RAD52: variants seen among roughly 807,000 people sequenced by gnomAD.
RAD52 encodes the protein RAD52 DNA repair protein, also known as DNA repair protein RAD52 homolog.
Under a neutral mutation model 55.5 loss-of-function variants are expected in RAD52, and 47 were observed. That is an observed-to-expected ratio of 0.85 (90% confidence interval 0.67 to 1.08). The LOEUF (loss-of-function observed/expected upper bound fraction) is 1.08. RAD52 is among the 50% of genes least tolerant of loss of function. RAD52 has a pLI of 0.00. For synonymous variants in RAD52, 184 were observed against 198.9 expected (o/e 0.92, Z 0.63); for missense variants, 468 against 522.8 (o/e 0.90, Z 1.02).
intron 7 of RAD52, among the ~76,000 whole-genome samples, chr12:923,121 G>A (rs1956826736): frequency 6.6e-6 from 1 of 151,878 alleles, no homozygotes; most frequent in Admixed American, 6.6e-5. Flanking sequence ...GCCTCCCAAA[G>A]TGCTAGGATT....
rs1956155419 is a variant in RAD52, at chr12:912,722, C to CAAAAAAAAAAGA, written c.*668_*669insTCTTTTTTTTTT. 1.4e-5 allele frequency: 1 copy of CAAAAAAAAAAGA among 72,854 alleles called. No homozygotes were observed. The highest frequency in any genetic ancestry group is 2.6e-5 in the Non-Finnish European group (1 of 39,036). The allele number at this position is 72,854 out of a possible 1,614,324, so 4.5% of individuals were successfully genotyped here. A position where few individuals can be genotyped will look rare whatever the true frequency, so the allele number is the denominator to read the frequency against. On this transcript the variant is annotated 3_prime_UTR_variant, in exon 12 of 12. Coordinates refer to ENST00000358495, the MANE Select transcript of RAD52 (RefSeq NM_134424.4). ...AGGGCAACACAGCCAGACCCCGTCT[C>CAAAAAAAAAAGA]AAAAAAAAAAAAAAAAAAAAAAACA...
At chr12:942,369 T>C (rs1036385426) in intron 1 of RAD52, among the ~76,000 whole-genome samples, 2 of 152,302 alleles carry the variant, frequency 1.3e-5, no homozygotes, top group African/African-American at 4.8e-5. Flanking sequence ...GATATCTATA[T>C]GGAAAAGAAA....
rs1410287653 is a variant in RAD52 at position 949,118 on chromosome 12, C to G, written c.-19+484G>C. 5.9e-5 allele frequency among the ~76,000 whole-genome samples: 9 copies of G among 152,190 alleles called. No individual in the cohort carries two copies. In the East Asian group the frequency reaches 1.5e-3, roughly 26 times the overall value. ...TCGCCCGGGACGGAGTGTCGTGGTACGGGTGCGATCTCGGCTCACTGCAGG... is the reference window on the plus strand; with the variant it reads ...TCGCCCGGGACGGAGTGTCGTGGTAGGGGTGCGATCTCGGCTCACTGCAGG... On this transcript the variant is annotated intron_variant, in intron 1 of 11. Transcript: ENST00000358495.
intron 1 of RAD52, among the ~76,000 whole-genome samples, chr12:986,464 G>A (rs1023430104): frequency 6.6e-6 from 1 of 151,766 alleles, no homozygotes; most frequent in East Asian, 1.9e-4. Context: ...TGGGCTCAAG[G>A]GATCCTCCTG....
intron 1 of RAD52, among the ~76,000 whole-genome samples, chr12:935,515 A>C (rs541411287): frequency 1.8e-3 from 280 of 151,482 alleles, no homozygotes; most frequent in Middle Eastern, 6.8e-3. Flanking sequence ...TGAGTAGCTG[A>C]GATTACAGGT....
Position 912,211 on chromosome 12 carries a change from ACT to A in RAD52, c.*1178_*1179del, listed in dbSNP as rs1392081329. On this transcript the variant is annotated 3_prime_UTR_variant, in exon 12 of 12. Transcript: ENST00000358495. ...CTCTGAGATCAGAAAATTTCTGAGCACTGACGTGATGCCAGAAGTGGAAAATT... is the reference window on the plus strand; with the variant it reads ...CTCTGAGATCAGAAAATTTCTGAGCAGACGTGATGCCAGAAGTGGAAAATT... 1 of 195,572 alleles carries A rather than the reference ACT, an allele frequency of 5.1e-6. No homozygotes were observed. The highest frequency in any genetic ancestry group is 1.1e-5 in the Non-Finnish European group (1 of 93,964). 12.1% of individuals were successfully genotyped at this position (195,572 alleles called of 1,614,324 possible).
intron 4 of RAD52, 78 bp downstream of exon 4, chr12:929,973 C>A: frequency 6.4e-7 from 1 of 1,571,816 alleles, no homozygotes; most frequent in Non-Finnish European, 8.8e-7. Flanking sequence ...GTCCACCTAC[C>A]TTACCTCCTC....
chr12:944,929 G>T (rs1301912329), intron 1 of RAD52, among the ~76,000 whole-genome samples: 1 of 152,096 alleles, frequency 6.6e-6, no homozygotes, highest in Non-Finnish European at 1.5e-5. Flanking sequence ...GTGACAAGGT[G>T]ATGGGTGAGA....
At chr12:934,089 GTCTGAC>G (rs1194508214) in intron 1 of RAD52, among the ~76,000 whole-genome samples, 4 of 140,464 alleles carry the variant, frequency 2.8e-5, no homozygotes, top group African/African-American at 1.1e-4. Flanking sequence ...GTGACAGAGT[GTCTGAC>G]TCTGTCTCAA....
intron 1 of RAD52, among the ~76,000 whole-genome samples, chr12:958,477 T>A (rs933352006): frequency 3.3e-5 from 5 of 152,180 alleles, no homozygotes; most frequent in Non-Finnish European, 7.4e-5. Context: ...TGGCCTTCCA[T>A]TGTGCTGGGA....
intron 1 of RAD52, among the ~76,000 whole-genome samples, chr12:966,078 G>C (rs1958763061): frequency 6.6e-6 from 1 of 152,030 alleles, no homozygotes. Flanking sequence ...CTGGGCTCAA[G>C]CCATCCTCCC....
chr12:932,996 G>A lies in RAD52; in HGVS notation c.63C>T (p.Gly21=), dbSNP rs2154114990. The A allele has an allele frequency of 6.2e-7, 1 of 1,614,028 alleles. No homozygotes were observed. The highest frequency in any genetic ancestry group is 1.1e-5 in the South Asian group (1 of 91,086). ...TTACCTGTCCAAAGCATAACACTGA[G>A]CCGCCGCCAGCAGCAGGATGGCTGT... ...GRDSHPAAGG[G]SVLCFGQCQY... is the part of the protein sequence containing the mutation. Residue 21 remains glycine, a synonymous_variant, in exon 2 of 12, where the codon GGC becomes GGT. Transcript: ENST00000358495.
At chr12:942,515 G>A (rs1442653438) in intron 1 of RAD52, among the ~76,000 whole-genome samples, 1 of 152,166 alleles carries the variant, frequency 6.6e-6, no homozygotes, top group Non-Finnish European at 1.5e-5. Flanking sequence ...TTGGGAGACC[G>A]AGGCGGGTGG....
intron 1 of RAD52, among the ~76,000 whole-genome samples, chr12:934,559 T>C (rs564609915): frequency 6.6e-6 from 1 of 152,084 alleles, no homozygotes; most frequent in East Asian, 1.9e-4. Flanking sequence ...ATTATATATA[T>C]TCAAATATTC....
intron 1 of RAD52, among the ~76,000 whole-genome samples, chr12:971,396 G>A (rs1202530041): frequency 6.6e-6 from 1 of 151,968 alleles, no homozygotes; most frequent in Non-Finnish European, 1.5e-5. Flanking sequence ...ATAGGACTTA[G>A]AATCGTGAAC....
chr12:945,013 A>G (rs1198137930), intron 1 of RAD52, among the ~76,000 whole-genome samples: 3 of 152,134 alleles, frequency 2.0e-5, no homozygotes, highest in Admixed American at 6.6e-5. Flanking sequence ...ATTTATGAAC[A>G]CAGTACTATA....
At position 945,274 on chromosome 12, in the gene RAD52, C is replaced by CCT. The variant is rs555607944; in HGVS notation, c.-19+4327_-19+4328insAG. 3.5e-4 allele frequency among the ~76,000 whole-genome samples: 53 copies of CCT among 151,736 alleles called. No individual in the cohort carries two copies. The East Asian group carries it at 0.01, about 29-fold the overall frequency. On this transcript the variant is annotated intron_variant, in intron 1 of 11. Coordinates refer to ENST00000358495, the MANE Select transcript of RAD52 (RefSeq NM_134424.4). Reference sequence around the variant, plus strand: ...GCTAAGGCACAAGAATCGCTTGAATCCAGGAGGCGAAGGTTGCAGTGAGCC... The same window carrying CCT: ...GCTAAGGCACAAGAATCGCTTGAATCCTCAGGAGGCGAAGGTTGCAGTGAGCC...
At chr12:967,807 A>T (rs1958791198) in intron 1 of RAD52, among the ~76,000 whole-genome samples, 1 of 151,628 alleles carries the variant, frequency 6.6e-6, no homozygotes, top group Admixed American at 6.6e-5. Context: ...GTGGTGGTAC[A>T]CGTCTGTAGT....
chr12:933,007 C>T lies in RAD52; in HGVS notation c.52G>A (p.Ala18Thr), dbSNP rs1352234728. ...AAGCATAACACTGAGCCGCCGCCAGCAGCAGGATGGCTGTCACGTCCTCCA... is the reference window on the plus strand; with the variant it reads ...AAGCATAACACTGAGCCGCCGCCAGTAGCAGGATGGCTGTCACGTCCTCCA... ...ILGGRDSHPA[A>T]GGGSVLCFGQ... is the part of the protein sequence containing the mutation. Residue 18 changes from alanine to threonine, a missense_variant, in exon 2 of 12, where the codon GCT becomes ACT. Physicochemically the swap from Ala to Thr is moderately conservative, Grantham distance 58. Transcript: ENST00000358495. 4 of 1,613,892 alleles carry T rather than the reference C, an allele frequency of 2.5e-6. No individual in the cohort carries two copies. The South Asian group carries it at 3.3e-5, about 13-fold the overall frequency.
Sources: allele counts gnomAD v4.1 joint callset (sites outside exome capture counted in the v4.1 genomes callset), GRCh38; gene constraint gnomAD v4.1.1; transcripts MANE v1.5; gene names NCBI Gene and HGNC (gene_info 2026-07-23, HGNC 2026-07-21).